The following KALRN variants were observed in gnomAD, a reference collection of about 807,000 sequenced individuals.
KALRN encodes the protein kalirin RhoGEF kinase.
A neutral mutation model predicts 353.7 loss-of-function variants in KALRN; 70 were observed. The observed-to-expected ratio is 0.20, with a 90% confidence interval of 0.16 to 0.24. KALRN has a LOEUF of 0.24. Among genes scored for constraint, KALRN ranks in the 10% least tolerant of loss-of-function variants. The probability of loss-of-function intolerance (pLI) is 1.00; values close to 1 mark genes in which losing one functional copy is unlikely to be tolerated. For synonymous variants in KALRN, 1,391 were observed against 1,434.8 expected, an observed-to-expected ratio of 0.97 and a Z score of 0.69; for missense variants, 2,791 against 3,756.7, an observed-to-expected ratio of 0.74 and a Z score of 6.72.
chr3:124,499,456 C>G (rs1046539523), intron 33 of KALRN, among the ~76,000 whole-genome samples: 16 of 152,316 alleles, frequency 1.1e-4, no homozygotes, highest in Admixed American at 9.8e-4. Flanking sequence ...CCCACTCTTA[C>G]TAGAGGGGAA....
rs759252053 is a variant in KALRN, at chr3:124,347,304, G to GTA, written c.1770+40_1770+41insAT. 4.6e-5 allele frequency: 72 copies of GTA among 1,566,110 alleles called. No individual in the cohort carries two copies. In the South Asian group the frequency reaches 7.8e-4, roughly 17 times the overall value. On this transcript the variant is annotated intron_variant, in intron 10 of 59. Transcript: ENST00000682506. Reference sequence around the variant, plus strand: ...TGTGTGTGTGTGTGTGTGTGTGTGTGTGTGTGTGTGTGTGTGTCTAGATGA... The same window carrying GTA: ...TGTGTGTGTGTGTGTGTGTGTGTGTGTATGTGTGTGTGTGTGTGTCTAGATGA...
intron 33 of KALRN, among the ~76,000 whole-genome samples, chr3:124,520,471 AG>A (rs947842544): frequency 6.6e-6 from 1 of 152,126 alleles, no homozygotes; most frequent in African/African-American, 2.4e-5. Flanking sequence ...AAGACTAGCT[AG>A]GGCAGGGGTC....
intron 31 of KALRN, among the ~76,000 whole-genome samples, chr3:124,492,042 A>G (rs2063217708): frequency 1.3e-5 from 2 of 152,160 alleles, no homozygotes; most frequent in Non-Finnish European, 2.9e-5. Flanking sequence ...AGCAGCGATA[A>G]TGCAGATGAT....
intron 1 of KALRN, among the ~76,000 whole-genome samples, chr3:124,107,641 A>G (rs183639999): frequency 3.3e-5 from 5 of 152,306 alleles, no homozygotes; most frequent in African/African-American, 9.6e-5. Flanking sequence ...TTTCCCTGCC[A>G]CAGGGAGAGA....
At chr3:124,090,070 G>A (rs1472505989) in intron 1 of KALRN, among the ~76,000 whole-genome samples, 1 of 152,158 alleles carries the variant, frequency 6.6e-6, no homozygotes, top group Non-Finnish European at 1.5e-5. Flanking sequence ...AGCTTTATAA[G>A]GTCCTGAAGG....
chr3:124,083,156 T>C (rs2060630048), intron 1 of KALRN, among the ~76,000 whole-genome samples: 1 of 152,238 alleles, frequency 6.6e-6, no homozygotes, highest in South Asian at 2.1e-4. Flanking sequence ...AAATGCTTGT[T>C]GAGTGAATGA....
intron 10 of KALRN, among the ~76,000 whole-genome samples, chr3:124,349,373 C>T (rs552308408): frequency 1.3e-5 from 2 of 152,312 alleles, no homozygotes; most frequent in South Asian, 2.1e-4. Context: ...CCATTGCCCA[C>T]GGGCTGTATG....
At chr3:124,696,047 A>G in intron 53 of KALRN, 87 bp from the exon 54 acceptor site, 4 of 1,447,828 alleles carry the variant, frequency 2.8e-6, no homozygotes, top group South Asian at 1.2e-5. Flanking sequence ...TCAGCTCAGC[A>G]CACCATGGGC....
chr3:124,621,177 T>TTTCTGTGGCTC, intron 34 of KALRN, among the ~76,000 whole-genome samples: 1 of 152,330 alleles, frequency 6.6e-6, no homozygotes, highest in African/African-American at 2.4e-5. Flanking sequence ...GTGGCTCAGA[T>TTTCTGTGGCTC]ATCTGTACAC....
chr3:124,431,120 C>A (rs1484094599), intron 16 of KALRN, among the ~76,000 whole-genome samples: 1 of 152,176 alleles, frequency 6.6e-6, no homozygotes, highest in East Asian at 1.9e-4. Flanking sequence ...GTTTAGAAGT[C>A]ACTTCTGGTG....
intron 33 of KALRN, among the ~76,000 whole-genome samples, chr3:124,550,833 C>T (rs1204989019): frequency 6.6e-6 from 1 of 151,888 alleles, no homozygotes; most frequent in Non-Finnish European, 1.5e-5. Flanking sequence ...ACTAAAAATA[C>T]AAAAAATTAG....
At chr3:124,559,357 C>G (rs906422050) in intron 33 of KALRN, among the ~76,000 whole-genome samples, 1 of 152,180 alleles carries the variant, frequency 6.6e-6, no homozygotes, top group African/African-American at 2.4e-5. Context: ...GGTGACTCAG[C>G]AGCAGGCACT....
At chr3:124,585,460 C>T (rs763489871) in intron 34 of KALRN, among the ~76,000 whole-genome samples, 1 of 152,160 alleles carries the variant, frequency 6.6e-6, no homozygotes, top group Non-Finnish European at 1.5e-5. Context: ...TAGCTCCGGG[C>T]CGGAGCTTGG....
intron 8 of KALRN, among the ~76,000 whole-genome samples, chr3:124,330,254 A>T (rs947624066): frequency 0.029 from 3,981 of 135,856 alleles, 142 homozygotes; most frequent in African/African-American, 0.12. Flanking sequence ...TCTCACACAC[A>T]CACACACACA....
chr3:124,596,265 C>G (rs1208106839), intron 34 of KALRN, among the ~76,000 whole-genome samples: 1 of 151,218 alleles, frequency 6.6e-6, no homozygotes, highest in Non-Finnish European at 1.5e-5. Flanking sequence ...AGGTGGATCA[C>G]CTGAGGTCAG....
chr3:124,719,640 A>C lies in KALRN; in HGVS notation c.*170A>C. The C allele has an allele frequency of 1.5e-6, 1 of 647,952 alleles. No individual in the cohort carries two copies. The highest frequency in any genetic ancestry group is 2.6e-6 in the Non-Finnish European group (1 of 386,786). The allele number at this position is 647,952 out of a possible 1,614,324, so 40.1% of individuals were successfully genotyped here. On this transcript the variant is annotated 3_prime_UTR_variant, in exon 60 of 60. Transcript: ENST00000682506. The surrounding 1 kb of genome is among the most constrained non-coding windows in gnomAD (Gnocchi z 5.3). ...TTATTCAGGGTCTGAGCAGCAGTAA[A>C]AGTCACCCTAAATCAAGGGGCTTTT...
intron 1 of KALRN, among the ~76,000 whole-genome samples, chr3:124,151,583 A>G (rs561769733): frequency 3.3e-5 from 5 of 152,208 alleles, no homozygotes; most frequent in African/African-American, 1.2e-4. Context: ...TTCTTTATGC[A>G]TTCTGAATAT....
intron 1 of KALRN, among the ~76,000 whole-genome samples, chr3:124,153,343 C>G (rs112233821): frequency 0.068 from 9,910 of 146,796 alleles, 1,136 homozygotes; most frequent in African/African-American, 0.23. Flanking sequence ...GTTCAATTCC[C>G]ATCTATGAGT....
chr3:124,512,308 C>T (rs1363443848), intron 33 of KALRN, among the ~76,000 whole-genome samples: 1 of 152,232 alleles, frequency 6.6e-6, no homozygotes, highest in African/African-American at 2.4e-5. Flanking sequence ...GTTATTTTTG[C>T]CCCCACTTCC....
Sources: allele counts gnomAD v4.1 joint callset (sites outside exome capture counted in the v4.1 genomes callset), GRCh38; gene constraint gnomAD v4.1.1; non-coding constraint Gnocchi (gnomAD v3.1); transcripts MANE v1.5; gene names NCBI Gene and HGNC (gene_info 2026-07-23, HGNC 2026-07-21).